The following RELCH variants were observed in gnomAD, a reference collection of about 807,000 sequenced individuals.
The protein encoded by RELCH is RAB11 binding and LisH domain, coiled-coil and HEAT repeat containing.
In RELCH, 41 loss-of-function variants were observed where a neutral mutation model predicts 150.3. The ratio of observed to expected loss-of-function variants is 0.27; its 90% CI spans 0.21 to 0.35. The LOEUF is 0.35. Ranked by LOEUF, RELCH falls within the 10% of genes least tolerant of loss-of-function variation. The pLI is 1.00. For missense variants in RELCH, 1,092 were observed against 1,467.8 expected (o/e 0.74, Z 4.18); for synonymous variants, 478 against 531.8 (o/e 0.90, Z 1.39).
chr18:62,267,484 A>ATGTGTGTG (rs36203741), intron 19 of RELCH, among the ~76,000 whole-genome samples: 14 of 135,804 alleles, frequency 1.0e-4, no homozygotes, highest in African/African-American at 3.5e-4. Flanking sequence ...CTAGGTATAT[A>ATGTGTGTG]TGTGTGTGTG....
intron 2 of RELCH, among the ~76,000 whole-genome samples, chr18:62,218,757 T>C (rs2040642104): frequency 2.0e-5 from 3 of 151,994 alleles, no homozygotes; most frequent in Admixed American, 2.0e-4. Context: ...TATGAGCCAC[T>C]TGGTTGGTCA....
intron 1 of RELCH, among the ~76,000 whole-genome samples, chr18:62,189,272 G>T (rs781777420): frequency 8.9e-4 from 96 of 107,318 alleles, no homozygotes; most frequent in South Asian, 2.3e-3. Context: ...TTTTTTTTTT[G>T]TTGTTTTTTT....
At chr18:62,208,030 G>A (rs986872649) in intron 1 of RELCH, among the ~76,000 whole-genome samples, 3 of 152,110 alleles carry the variant, frequency 2.0e-5, no homozygotes, top group African/African-American at 7.2e-5. Context: ...GATGTATGAG[G>A]GTTTCAGTTT....
chr18:62,214,875 C>T (rs28538871), intron 2 of RELCH, among the ~76,000 whole-genome samples: 1,770 of 152,100 alleles, frequency 0.012, 26 homozygotes, highest in East Asian at 0.052. Context: ...GGTCCTGCCT[C>T]CCAAAACTAC....
chr18:62,264,481 A>G (rs750921455), intron 17 of RELCH, among the ~76,000 whole-genome samples: 1 of 152,106 alleles, frequency 6.6e-6, no homozygotes, highest in Non-Finnish European at 1.5e-5. Context: ...TTTGAGTCAC[A>G]TTAACTCTGT....
intron 5 of RELCH, among the ~76,000 whole-genome samples, chr18:62,226,189 T>G (rs2148402261): frequency 6.6e-6 from 1 of 152,170 alleles, no homozygotes; most frequent in East Asian, 1.9e-4. Context: ...TACTAAATTA[T>G]GATATATTAA....
rs1002329988 is a variant in RELCH, at chr18:62,309,311, A to C, written c.*3777A>C. ...AGGTAAGTTTCTGCATATTGGTAAA[A>C]AAATTGAATTTTAGACAATTTTCAT... On this transcript the variant is annotated 3_prime_UTR_variant, in exon 29 of 29. Transcript: ENST00000644646. The C allele has an allele frequency of 6.6e-6, 1 of 152,192 alleles. No homozygotes were observed. Among genetic ancestry groups the C allele is most frequent in the African/African-American group, 2.4e-5 (1 of 41,464 alleles). The allele number at this position is 152,192 out of a possible 1,614,324, so 9.4% of individuals were successfully genotyped here.
chr18:62,237,064 G>T (rs767068027), intron 10 of RELCH, among the ~76,000 whole-genome samples: 1 of 151,598 alleles, frequency 6.6e-6, no homozygotes, highest in Non-Finnish European at 1.5e-5. Flanking sequence ...TTATTTAAGA[G>T]CATGTTGTTT....
At chr18:62,268,782 T>A (rs1253605514) in intron 19 of RELCH, 87 bp from the exon 20 acceptor site, 2 of 632,362 alleles carry the variant, frequency 3.2e-6, no homozygotes, top group South Asian at 4.9e-5. Context: ...AGTAAACAGT[T>A]GTAATTTTAA....
intron 1 of RELCH, among the ~76,000 whole-genome samples, chr18:62,193,422 G>A (rs2038793982): frequency 6.6e-6 from 1 of 152,148 alleles, no homozygotes; most frequent in Non-Finnish European, 1.5e-5. Context: ...TGGGGAGAGA[G>A]GGCATCCTTG....
intron 2 of RELCH, among the ~76,000 whole-genome samples, chr18:62,211,953 GT>G (rs1238354257): frequency 2.6e-5 from 4 of 152,146 alleles, no homozygotes; most frequent in African/African-American, 9.7e-5. Context: ...GATTGGTCCA[GT>G]AAGGGCCTCC....
At position 62,258,655 on chromosome 18, in the gene RELCH, C is replaced by A; in HGVS notation, c.2181C>A (p.Asn727Lys). The change falls in exon 15 of 29, where the codon AAC becomes AAA. Residue 727 changes from asparagine to lysine, a missense_variant. This residue lies in a region of RELCH where 707 missense variants were observed against 1,025.4 expected (regional missense o/e 0.69). Coordinates refer to ENST00000644646, the MANE Select transcript of RELCH (RefSeq NM_001346231.2). ...CTCATCTTATACTTACACTACTGAACAAGATTGAAAAACTTCTCAGGGTAA... is the reference window on the plus strand; with the variant it reads ...CTCATCTTATACTTACACTACTGAAAAAGATTGAAAAACTTCTCAGGGTAA... ...LQSHLILTLLNKIEKLLREGE... is the reference protein window; with the variant it reads ...LQSHLILTLLKKIEKLLREGE... 3 of 1,586,242 alleles carry A rather than the reference C, an allele frequency of 1.9e-6. No homozygotes were observed. Among genetic ancestry groups the A allele is most frequent in the Non-Finnish European group, 2.6e-6 (3 of 1,171,780 alleles).
At chr18:62,231,323 T>C in intron 9 of RELCH, 54 bp downstream of exon 9, 1 of 1,142,122 alleles carries the variant, frequency 8.8e-7, no homozygotes, top group East Asian at 2.4e-5. Context: ...ACTGTTTTTC[T>C]TCTTTTTAAG....
intron 24 of RELCH, 38 bp downstream of exon 24, chr18:62,280,747 T>A (rs370122078): frequency 1.5e-5 from 20 of 1,355,634 alleles, no homozygotes; most frequent in Non-Finnish European, 2.0e-5. Context: ...CTGTGTAATA[T>A]TGATGTGGTC....
In RELCH at chr18:62,285,072, A is replaced by G. The variant is rs559485649; in HGVS notation, c.3254-2279A>G. Among the ~76,000 whole-genome samples, 7 of 152,176 alleles carry G rather than the reference A, an allele frequency of 4.6e-5. No homozygotes were observed. In the East Asian group the frequency reaches 5.8e-4, roughly 13 times the overall value. ...ATAGGACAAGATTCCCTTTATGACT[A>G]TTGGATCTACCCCAGAATATTTTTG... On this transcript the variant is annotated intron_variant, in intron 25 of 28. Coordinates refer to ENST00000644646, the MANE Select transcript of RELCH (RefSeq NM_001346231.2).
At chr18:62,248,670 T>C (rs1334903207) in intron 11 of RELCH, among the ~76,000 whole-genome samples, 1 of 152,196 alleles carries the variant, frequency 6.6e-6, no homozygotes, top group Non-Finnish European at 1.5e-5. Flanking sequence ...TATTAAAAAA[T>C]GTTTATGCTT....
At chr18:62,277,640 C>A (rs982178978) in intron 22 of RELCH, 107 of 963,480 alleles carry the variant, frequency 1.1e-4, no homozygotes, top group Non-Finnish European at 1.2e-4. Context: ...CATACATATA[C>A]CAGGAACCTA....
chr18:62,233,933 GC>G (rs1269232813), intron 10 of RELCH, among the ~76,000 whole-genome samples: 2 of 151,738 alleles, frequency 1.3e-5, no homozygotes, highest in African/African-American at 4.8e-5. Context: ...CTACCTATAT[GC>G]ACACATATAA....
chr18:62,293,029 C>G (rs2045231676), intron 27 of RELCH, among the ~76,000 whole-genome samples: 1 of 152,168 alleles, frequency 6.6e-6, no homozygotes, highest in Admixed American at 6.5e-5. Context: ...TTGATAGTTT[C>G]ATCCTGCGCC....
Sources: allele counts gnomAD v4.1 joint callset (sites outside exome capture counted in the v4.1 genomes callset), GRCh38; gene constraint gnomAD v4.1.1; regional missense constraint gnomAD v4.1.1; transcripts MANE v1.5; gene names NCBI Gene and HGNC (gene_info 2026-07-23, HGNC 2026-07-21).